Variants in SH2D4A observed in about 807,000 individuals in gnomAD.
The protein encoded by SH2D4A is SH2 domain-containing protein 4A.
In SH2D4A, 70 loss-of-function variants were observed where a neutral mutation model predicts 64.7. That is an observed-to-expected ratio of 1.08 (90% CI 0.89 to 1.32). The LOEUF is 1.32. Ranked by LOEUF, SH2D4A falls within the 40% of genes most tolerant of loss-of-function variation. The pLI is 0.00. For missense variants in SH2D4A, 706 were observed against 540.1 expected (o/e 1.31, Z -3.04); for synonymous variants, 268 against 200.7 (o/e 1.34, Z -2.83).
At chr8:19,336,234 A>G (rs2052443334) in intron 4 of SH2D4A, among the ~76,000 whole-genome samples, 1 of 152,202 alleles carries the variant, frequency 6.6e-6, no homozygotes, top group East Asian at 1.9e-4. Flanking sequence ...CCCCCAGGCT[A>G]TTCCTTAAAT....
chr8:19,340,020 T>G (rs10448137), intron 4 of SH2D4A, among the ~76,000 whole-genome samples: 104,013 of 152,040 alleles, frequency 0.68, 36,516 homozygotes, highest in African/African-American at 0.81. Flanking sequence ...GTGCTGTGAC[T>G]TAAGGGATAG....
At chr8:19,376,467 C>A (rs568769513) in intron 8 of SH2D4A, among the ~76,000 whole-genome samples, 1 of 151,978 alleles carries the variant, frequency 6.6e-6, no homozygotes, top group African/African-American at 2.4e-5. Context: ...ACTAAAAATA[C>A]AAAAACTAGC....
intron 5 of SH2D4A, among the ~76,000 whole-genome samples, chr8:19,358,894 G>A (rs1168346071): frequency 3.3e-5 from 5 of 152,096 alleles, no homozygotes; most frequent in South Asian, 2.1e-4. Context: ...ACACATCTGG[G>A]TCTCCACACC....
chr8:19,352,189 A>C (rs1319426415), intron 4 of SH2D4A, among the ~76,000 whole-genome samples: 1 of 152,142 alleles, frequency 6.6e-6, no homozygotes. Context: ...TGACAGACAG[A>C]CTCTGGGGGA....
intron 4 of SH2D4A, among the ~76,000 whole-genome samples, chr8:19,336,524 A>G (rs2052448829): frequency 1.3e-5 from 2 of 152,122 alleles, no homozygotes; most frequent in Admixed American, 6.6e-5. Context: ...CCAACCAAGA[A>G]CAACAGTAAT....
chr8:19,371,577 C>G (rs1457213335), intron 7 of SH2D4A, among the ~76,000 whole-genome samples: 1 of 151,964 alleles, frequency 6.6e-6, no homozygotes, highest in East Asian at 1.9e-4. Flanking sequence ...GACTGGTGAC[C>G]TTCGATCATC....
At position 19,319,378 on chromosome 8, in the gene SH2D4A, T is replaced by A. The variant is rs138927211; in HGVS notation, c.-170T>A. On this transcript the variant is annotated 5_prime_UTR_variant, in exon 2 of 10. Transcript: ENST00000265807. Reference sequence around the variant, plus strand: ...ACAGCATTTTGGACAGGACATTTGGTGCCAGGTCTGAGTAGCCAGTTTGCT... The same window carrying A: ...ACAGCATTTTGGACAGGACATTTGGAGCCAGGTCTGAGTAGCCAGTTTGCT... 1 of 1,270,278 alleles carries A rather than the reference T, an allele frequency of 7.9e-7. No homozygotes were observed. Among genetic ancestry groups the A allele is most frequent in the Non-Finnish European group, 9.9e-7 (1 of 1,007,078 alleles). 78.7% of individuals were successfully genotyped at this position (1,270,278 alleles called of 1,614,324 possible).
At chr8:19,361,461 A>G in intron 6 of SH2D4A, 147 bp downstream of exon 6, 1 of 767,894 alleles carries the variant, frequency 1.3e-6, no homozygotes. Flanking sequence ...TTACTAACTT[A>G]TTACTCAAAT....
chr8:19,319,737 A>T lies in SH2D4A; in HGVS notation c.181+9A>T. On this transcript the variant is annotated intron_variant, in intron 2 of 9. Coordinates refer to ENST00000265807, the MANE Select transcript of SH2D4A (RefSeq NM_022071.4). ...ACCCAGACCAAAGAAAGGTAAACTT[A>T]TCCACGTTTCTTCTGTGGATGTGTT... is the stretch of plus-strand genomic sequence containing the variant. 1.9e-6 allele frequency: 3 copies of T among 1,561,888 alleles called. No individual in the cohort carries two copies. In the African/African-American group the frequency reaches 4.1e-5, roughly 22 times the overall value.
chr8:19,357,797 G>A (rs1290460072), intron 5 of SH2D4A, among the ~76,000 whole-genome samples: 1 of 152,182 alleles, frequency 6.6e-6, no homozygotes, highest in Non-Finnish European at 1.5e-5. Flanking sequence ...TCCGTCGTGT[G>A]AGCTTGCTAT....
intron 8 of SH2D4A, among the ~76,000 whole-genome samples, chr8:19,387,985 C>G (rs1197337518): frequency 2.0e-5 from 3 of 152,218 alleles, no homozygotes; most frequent in African/African-American, 7.2e-5. Context: ...AGCATGAATG[C>G]TAAGCTCAGA....
intron 4 of SH2D4A, among the ~76,000 whole-genome samples, chr8:19,348,535 C>T (rs1414814226): frequency 2.0e-5 from 3 of 152,104 alleles, no homozygotes; most frequent in Non-Finnish European, 2.9e-5. Flanking sequence ...AAATTAAGAG[C>T]GCTGTCCACT....
At chr8:19,349,774 T>C (rs995078413) in intron 4 of SH2D4A, among the ~76,000 whole-genome samples, 6 of 152,228 alleles carry the variant, frequency 3.9e-5, no homozygotes, top group Admixed American at 2.6e-4. Context: ...TTTCTTGAGA[T>C]ACAGTCTCGC....
intron 8 of SH2D4A, among the ~76,000 whole-genome samples, chr8:19,374,659 C>T (rs971470851): frequency 2.6e-5 from 4 of 152,182 alleles, no homozygotes; most frequent in Admixed American, 6.5e-5. Context: ...GAAGAACTGT[C>T]TGGCGTCTCT....
chr8:19,322,610 TTC>T (rs1261803572), intron 2 of SH2D4A, among the ~76,000 whole-genome samples: 4 of 116,196 alleles, frequency 3.4e-5, no homozygotes, highest in Admixed American at 1.1e-4. Flanking sequence ...TTGTCTATTA[TTC>T]TTTTTTTTTT....
chr8:19,332,168 A>G (rs1310035331), intron 2 of SH2D4A, among the ~76,000 whole-genome samples: 7 of 152,152 alleles, frequency 4.6e-5, no homozygotes, highest in Non-Finnish European at 8.8e-5. Flanking sequence ...TTACCCACCT[A>G]TGAAGCCTGT....
intron 8 of SH2D4A, among the ~76,000 whole-genome samples, chr8:19,392,210 A>G (rs1468005060): frequency 6.6e-6 from 1 of 152,200 alleles, no homozygotes; most frequent in African/African-American, 2.4e-5. Flanking sequence ...ATAACTTCAT[A>G]TGTGTATATA....
chr8:19,361,354 C>A, intron 6 of SH2D4A, 40 bp downstream of exon 6: 1 of 1,550,920 alleles, frequency 6.4e-7, no homozygotes, highest in South Asian at 1.3e-5. Context: ...TCCAGGCTCT[C>A]AGCTGATTCT....
intron 8 of SH2D4A, among the ~76,000 whole-genome samples, chr8:19,385,848 T>C (rs528398779): frequency 6.6e-6 from 1 of 152,282 alleles, no homozygotes; most frequent in East Asian, 1.9e-4. Context: ...CTTCTACTAT[T>C]TTGCTGAAGA....
Sources: allele counts gnomAD v4.1 joint callset (sites outside exome capture counted in the v4.1 genomes callset), GRCh38; gene constraint gnomAD v4.1.1; transcripts MANE v1.5; gene names NCBI Gene and HGNC (gene_info 2026-07-23, HGNC 2026-07-21).